STPG2: variants seen among roughly 807,000 people sequenced by gnomAD.
STPG2 encodes sperm-tail PG-rich repeat-containing protein 2.
Under a neutral mutation model 54.2 loss-of-function variants are expected in STPG2, and 56 were observed. That is an observed-to-expected ratio of 1.03 (90% CI 0.83 to 1.29). The LOEUF (loss-of-function observed/expected upper bound fraction) is 1.29, where lower values mean the gene tolerates loss of function less well. Among genes scored for constraint, STPG2 ranks in the 50% most tolerant of loss-of-function variants. The pLI is 0.00. For synonymous variants in STPG2, 200 were observed against 181.8 expected (o/e 1.10, Z -0.81); for missense variants, 596 against 544.9 (o/e 1.09, Z -0.93).
chr4:97,774,869 G>C (rs1246313110), intron 9 of STPG2, among the ~76,000 whole-genome samples: 1 of 152,120 alleles, frequency 6.6e-6, no homozygotes, highest in Non-Finnish European at 1.5e-5. Context: ...GTTCCAGGGA[G>C]AAGAAAAAAG....
At chr4:98,023,599 G>C (rs1736306904) in intron 5 of STPG2, among the ~76,000 whole-genome samples, 2 of 152,218 alleles carry the variant, frequency 1.3e-5, no homozygotes, top group African/African-American at 4.8e-5. Context: ...GGTTACTGCT[G>C]TCTTTTTGTT....
At chr4:97,556,643 A>T (rs1253917974), downstream of STPG2, among the ~76,000 whole-genome samples, 1 of 152,188 alleles carries the variant, frequency 6.6e-6, no homozygotes, top group Non-Finnish European at 1.5e-5. Flanking sequence ...CCAGAACACT[A>T]ACTTGAAGAT....
At chr4:98,003,947 GATT>G (rs1272859546) in intron 5 of STPG2, among the ~76,000 whole-genome samples, 4 of 152,034 alleles carry the variant, frequency 2.6e-5, no homozygotes, top group Non-Finnish European at 5.9e-5. Flanking sequence ...ATTGTGAAAT[GATT>G]ATAATAATCA....
chr4:97,704,935 A>T (rs953619283), intron 10 of STPG2, among the ~76,000 whole-genome samples: 1 of 152,146 alleles, frequency 6.6e-6, no homozygotes. Context: ...GAAATTTATC[A>T]AGAAAAAATA....
At chr4:97,777,773 T>A (rs1237474913) in intron 9 of STPG2, among the ~76,000 whole-genome samples, 1 of 152,230 alleles carries the variant, frequency 6.6e-6, no homozygotes, top group Non-Finnish European at 1.5e-5. Context: ...TAATACTTGC[T>A]TTAACTAGGA....
chr4:97,743,127 G>A (rs1298170743), intron 9 of STPG2, among the ~76,000 whole-genome samples: 1 of 151,696 alleles, frequency 6.6e-6, no homozygotes, highest in African/African-American at 2.4e-5. Context: ...AGCAATTCTA[G>A]TTTTCTTTTA....
intron 5 of STPG2, among the ~76,000 whole-genome samples, chr4:97,997,729 G>T (rs1417214251): frequency 6.6e-6 from 1 of 152,148 alleles, no homozygotes; most frequent in Non-Finnish European, 1.5e-5. Context: ...GGAGCTGGAG[G>T]TCATTATCCT....
intron 10 of STPG2, among the ~76,000 whole-genome samples, chr4:97,599,029 A>AT (rs1285709107): frequency 6.6e-6 from 1 of 152,230 alleles, no homozygotes; most frequent in Non-Finnish European, 1.5e-5. Context: ...CAAAGGTCTA[A>AT]TATCCAGCAT....
At chr4:97,931,302 A>G (rs553110000) in intron 8 of STPG2, among the ~76,000 whole-genome samples, 2 of 152,346 alleles carry the variant, frequency 1.3e-5, no homozygotes, top group Admixed American at 1.3e-4. Context: ...TGCAATCAGT[A>G]TAAGGTAGGC....
chr4:97,914,308 C>A (rs761742346), intron 8 of STPG2, among the ~76,000 whole-genome samples: 4 of 152,022 alleles, frequency 2.6e-5, no homozygotes, highest in Non-Finnish European at 5.9e-5. Flanking sequence ...TAATAGTGGT[C>A]CACCATCACT....
At chr4:98,108,755 A>G (rs1016857376) in intron 4 of STPG2, among the ~76,000 whole-genome samples, 1 of 152,054 alleles carries the variant, frequency 6.6e-6, no homozygotes, top group Admixed American at 6.6e-5. Context: ...TAACCCTTGC[A>G]TTTTTTACTG....
chr4:97,596,917 A>G (rs895342323), intron 10 of STPG2, among the ~76,000 whole-genome samples: 17 of 152,086 alleles, frequency 1.1e-4, no homozygotes, highest in Non-Finnish European at 1.9e-4. Context: ...AACCAAAATC[A>G]GAGCTGAACT....
chr4:97,713,362 C>T (rs1724192935), intron 9 of STPG2, among the ~76,000 whole-genome samples: 1 of 152,148 alleles, frequency 6.6e-6, no homozygotes, highest in South Asian at 2.1e-4. Flanking sequence ...AACTTGTATT[C>T]TTCAATGCCC....
chr4:97,870,939 T>C (rs1386652629), intron 8 of STPG2, among the ~76,000 whole-genome samples: 2 of 150,892 alleles, frequency 1.3e-5, no homozygotes, highest in South Asian at 2.1e-4. Flanking sequence ...TACAGTAAGG[T>C]ACATAAAATA....
At chr4:97,909,896 G>C (rs934311835) in intron 8 of STPG2, among the ~76,000 whole-genome samples, 2 of 152,094 alleles carry the variant, frequency 1.3e-5, no homozygotes, top group Non-Finnish European at 2.9e-5. Flanking sequence ...ACTTGCACCA[G>C]TTTTATCCAG....
intron 10 of STPG2, among the ~76,000 whole-genome samples, chr4:97,705,918 T>C (rs1226412055): frequency 6.6e-6 from 1 of 151,854 alleles, no homozygotes; most frequent in Non-Finnish European, 1.5e-5. Flanking sequence ...ATATCTAATA[T>C]ATAATAACTA....
intron 8 of STPG2, among the ~76,000 whole-genome samples, chr4:97,908,850 T>C (rs1297012174): frequency 2.9e-5 from 4 of 136,062 alleles, no homozygotes; most frequent in African/African-American, 1.1e-4. Context: ...GAACATCACA[T>C]TCTGGGGACT....
At chr4:97,568,480 A>G (rs758372587) in intron 10 of STPG2, among the ~76,000 whole-genome samples, 2 of 151,960 alleles carry the variant, frequency 1.3e-5, no homozygotes, top group African/African-American at 2.4e-5. Context: ...TGACATATAT[A>G]TGTGTGTGTG....
At chr4:97,969,297 C>T (rs906125552) in intron 7 of STPG2, among the ~76,000 whole-genome samples, 5 of 152,136 alleles carry the variant, frequency 3.3e-5, no homozygotes, top group African/African-American at 4.8e-5. Flanking sequence ...CACACTATGT[C>T]GTAAATTCTT....
Sources: gnomAD v4.1 joint callset for allele counts (sites outside exome capture counted in the v4.1 genomes callset) on GRCh38, gnomAD v4.1.1 for gene constraint, MANE v1.5 for transcripts, NCBI Gene and HGNC (gene_info 2026-07-23, HGNC 2026-07-21) for gene names.